The following RAP1GDS1 variants were observed in gnomAD, a reference collection of about 807,000 sequenced individuals.
RAP1GDS1 encodes the protein RAP1, GTP-GDP dissociation stimulator 1.
A neutral mutation model predicts 71.1 loss-of-function variants in RAP1GDS1; 35 were observed. That is an observed-to-expected ratio of 0.49 (90% CI 0.38 to 0.65). RAP1GDS1 has a LOEUF of 0.65. RAP1GDS1 is among the 30% of genes least tolerant of loss of function. RAP1GDS1 has a pLI of 0.00. For missense variants in RAP1GDS1, 663 were observed against 706.1 expected (o/e 0.94, Z 0.69); for synonymous variants, 229 against 243.1 (o/e 0.94, Z 0.54).
chr4:98,274,763 A>G (rs1264298170), intron 1 of RAP1GDS1, among the ~76,000 whole-genome samples: 6 of 152,196 alleles, frequency 3.9e-5, no homozygotes, highest in African/African-American at 1.4e-4. Context: ...AAGCAGTATC[A>G]TTAATATCTG....
chr4:98,264,011 G>A (rs1173981423), intron 1 of RAP1GDS1, among the ~76,000 whole-genome samples: 1 of 152,208 alleles, frequency 6.6e-6, no homozygotes, highest in East Asian at 1.9e-4. Flanking sequence ...AAGGAAGTTA[G>A]TATAACAATT....
intron 6 of RAP1GDS1, among the ~76,000 whole-genome samples, chr4:98,392,754 A>G (rs990049045): frequency 2.6e-5 from 4 of 152,208 alleles, no homozygotes; most frequent in Admixed American, 2.6e-4. Context: ...TTTCTCAGGT[A>G]AAGAGGAATC....
intron 7 of RAP1GDS1, among the ~76,000 whole-genome samples, chr4:98,411,558 G>C (rs979121711): frequency 2.0e-5 from 3 of 152,040 alleles, no homozygotes; most frequent in African/African-American, 7.2e-5. Flanking sequence ...TATCTCATTG[G>C]TGTTTTGGCA....
rs1010211629 is a variant in RAP1GDS1, at chr4:98,442,898, C to G, written c.*781C>G. The G allele has an allele frequency of 8.7e-6, 2 of 230,860 alleles. No individual in the cohort carries two copies. Among genetic ancestry groups the G allele is most frequent in the Non-Finnish European group, 1.7e-5 (2 of 116,604 alleles). 14.3% of individuals were successfully genotyped at this position (230,860 alleles called of 1,614,324 possible). On this transcript the variant is annotated 3_prime_UTR_variant, in exon 15 of 15. Coordinates refer to ENST00000408927, the MANE Select transcript of RAP1GDS1 (RefSeq NM_001100427.2). ...TTAGATTCTGATACATACGCTGTTT[C>G]ACTCAGGAACTACTTCTACCAGTTA...
At chr4:98,319,224 A>C (rs945173706) in intron 2 of RAP1GDS1, among the ~76,000 whole-genome samples, 1 of 152,204 alleles carries the variant, frequency 6.6e-6, no homozygotes, top group Admixed American at 6.5e-5. Context: ...CTAAGTATTT[A>C]ATGATGAGTC....
chr4:98,352,532 C>CTAAA lies in RAP1GDS1; in HGVS notation c.295_298dup (p.Ser100LysfsTer2). ...ATTGATTTCACCACTGGTGCAGCTG[C>CTAAA]TAAATAGCAAAGACCAGGAAGTGCT... On this transcript the variant is annotated frameshift_variant, in exon 4 of 15. Transcript: ENST00000408927. LOFTEE classifies it high-confidence loss of function. 1 of 1,614,018 alleles carries CTAAA rather than the reference C, an allele frequency of 6.2e-7. No homozygotes were observed. Among genetic ancestry groups the CTAAA allele is most frequent in the Non-Finnish European group, 8.5e-7 (1 of 1,179,916 alleles).
chr4:98,380,166 G>T (rs570150212), intron 5 of RAP1GDS1, among the ~76,000 whole-genome samples: 1 of 151,480 alleles, frequency 6.6e-6, no homozygotes, highest in Non-Finnish European at 1.5e-5. Context: ...TGAATGGTGG[G>T]GACTGTGGTA....
At chr4:98,327,538 A>T (rs1449318142) in intron 2 of RAP1GDS1, among the ~76,000 whole-genome samples, 1 of 152,160 alleles carries the variant, frequency 6.6e-6, no homozygotes, top group Non-Finnish European at 1.5e-5. Context: ...CCCTATTTTC[A>T]TAGCCTTTCC....
rs144300838 is a variant in RAP1GDS1 at position 98,283,213 on chromosome 4, A to C, written c.5-10195A>C. Reference sequence around the variant, plus strand: ...ATTGATGTAGTTGTGTTTCAGAGAAATAAAAATGTTGATTTGTTTTTAATA... The same window carrying C: ...ATTGATGTAGTTGTGTTTCAGAGAACTAAAAATGTTGATTTGTTTTTAATA... On this transcript the variant is annotated intron_variant, in intron 1 of 14. Transcript: ENST00000408927. 2.1e-3 allele frequency among the ~76,000 whole-genome samples: 322 copies of C among 152,346 alleles called. 2 individuals carry two copies. The highest frequency in any genetic ancestry group is 7.2e-3 in the African/African-American group (299 of 41,590).
chr4:98,271,893 A>G (rs192324687), intron 1 of RAP1GDS1, among the ~76,000 whole-genome samples: 5 of 152,352 alleles, frequency 3.3e-5, no homozygotes, highest in Non-Finnish European at 7.4e-5. Context: ...TAACACTCCA[A>G]CATCCTGATT....
At chr4:98,365,180 C>T (rs1739294111) in intron 4 of RAP1GDS1, among the ~76,000 whole-genome samples, 1 of 152,052 alleles carries the variant, frequency 6.6e-6, no homozygotes, top group Admixed American at 6.5e-5. Context: ...CTTAGTAATA[C>T]CTAAGGAAAC....
chr4:98,363,775 TAAG>T (rs1301524549), intron 4 of RAP1GDS1, among the ~76,000 whole-genome samples: 1 of 152,088 alleles, frequency 6.6e-6, no homozygotes, highest in East Asian at 1.9e-4. Flanking sequence ...AATTAAGAGT[TAAG>T]AAGGGAAGCA....
At chr4:98,280,205 A>C (rs1162468409) in intron 1 of RAP1GDS1, among the ~76,000 whole-genome samples, 1 of 152,194 alleles carries the variant, frequency 6.6e-6, no homozygotes, top group Non-Finnish European at 1.5e-5. Flanking sequence ...CAATGGTTGA[A>C]CTAGTTTACA....
intron 4 of RAP1GDS1, among the ~76,000 whole-genome samples, chr4:98,359,629 A>G (rs1342979148): frequency 1.3e-5 from 2 of 152,196 alleles, no homozygotes; most frequent in Non-Finnish European, 2.9e-5. Flanking sequence ...TAGGTATGCT[A>G]TGGTAGAGAT....
chr4:98,386,558 A>G (rs1742792960), intron 5 of RAP1GDS1, among the ~76,000 whole-genome samples: 1 of 150,932 alleles, frequency 6.6e-6, no homozygotes, highest in Non-Finnish European at 1.5e-5. Flanking sequence ...AATATTGTCA[A>G]TATTAATGAA....
intron 2 of RAP1GDS1, among the ~76,000 whole-genome samples, chr4:98,319,530 C>T (rs1051321529): frequency 6.6e-6 from 1 of 151,972 alleles, no homozygotes; most frequent in African/African-American, 2.4e-5. Flanking sequence ...CCTGTAATCC[C>T]AGCACTTTGG....
intron 1 of RAP1GDS1, among the ~76,000 whole-genome samples, chr4:98,262,713 G>A (rs1722202343): frequency 6.6e-6 from 1 of 152,130 alleles, no homozygotes; most frequent in African/African-American, 2.4e-5. Context: ...AGATGAATGT[G>A]GTCCTTTCAT....
chr4:98,443,023 T>TTC lies in RAP1GDS1; in HGVS notation c.*907_*908insCT, dbSNP rs1429947933. 1.2e-3 allele frequency: 246 copies of TTC among 209,614 alleles called. No individual in the cohort carries two copies. The highest frequency in any genetic ancestry group is 3.0e-3 in the Middle Eastern group (2 of 676). The allele number at this position is 209,614 out of a possible 1,614,324, so 13.0% of individuals were successfully genotyped here. ...GTTCATTGAAGAATGGAATTTTTTTTTTTTTTTTTTTTTTTGCTGTTTTTC... is the reference window on the plus strand; with the variant it reads ...GTTCATTGAAGAATGGAATTTTTTTTTCTTTTTTTTTTTTTTTGCTGTTTTTC... On this transcript the variant is annotated 3_prime_UTR_variant, in exon 15 of 15. Transcript: ENST00000408927.
chr4:98,293,585 T>A lies in RAP1GDS1; in HGVS notation c.112+70T>A, dbSNP rs144583833. The A allele has an allele frequency of 8.1e-4, 869 of 1,072,178 alleles. 4 individuals are homozygous for A. In the African/African-American group the frequency reaches 0.013, roughly 16 times the overall value. 66.4% of individuals were successfully genotyped at this position (1,072,178 alleles called of 1,614,324 possible). On this transcript the variant is annotated intron_variant, in intron 2 of 14. Transcript: ENST00000408927. ...ATCAGTAGTCATTCAGAAACTGGTA[T>A]GTAGTTAAGCACATAACTTTGTATT...
Sources: gnomAD v4.1 joint callset for allele counts (sites outside exome capture counted in the v4.1 genomes callset) on GRCh38, gnomAD v4.1.1 for gene constraint, MANE v1.5 for transcripts, NCBI Gene and HGNC (gene_info 2026-07-23, HGNC 2026-07-21) for gene names.